PAXIP1: variants seen among roughly 807,000 people sequenced by gnomAD.
PAXIP1 encodes the protein PAX interacting protein 1.
Under a neutral mutation model 140.6 loss-of-function variants are expected in PAXIP1, and 19 were observed. That is an observed-to-expected ratio of 0.14 (90% CI 0.09 to 0.20). The LOEUF (loss-of-function observed/expected upper bound fraction) is 0.20, where lower values mean the gene tolerates loss of function less well. Among genes scored for constraint, PAXIP1 ranks in the 10% least tolerant of loss-of-function variants. The pLI is 1.00. For missense variants in PAXIP1, 920 were observed against 1,208.6 expected (o/e 0.76, Z 3.54); for synonymous variants, 442 against 444.6 (o/e 0.99, Z 0.07).
At chr7:154,993,264 C>A (rs1267402194) in intron 3 of PAXIP1, among the ~76,000 whole-genome samples, 1 of 152,180 alleles carries the variant, frequency 6.6e-6, no homozygotes, top group Non-Finnish European at 1.5e-5. Flanking sequence ...CTTCACCCCT[C>A]TATTTTCAGT....
intron 4 of PAXIP1, among the ~76,000 whole-genome samples, chr7:154,988,635 C>T (rs1340955053): frequency 3.3e-5 from 5 of 152,146 alleles, no homozygotes; most frequent in Admixed American, 6.5e-5. Flanking sequence ...CAAATCAAGT[C>T]TTCAAAATCC....
At chr7:154,966,867 C>G (rs938296960) in intron 8 of PAXIP1, among the ~76,000 whole-genome samples, 6 of 152,216 alleles carry the variant, frequency 3.9e-5, no homozygotes, top group African/African-American at 1.4e-4. Flanking sequence ...CCTGCCCCAA[C>G]CCCTGCCTCG....
At chr7:154,971,735 A>C (rs1809339497) in intron 6 of PAXIP1, among the ~76,000 whole-genome samples, 1 of 152,208 alleles carries the variant, frequency 6.6e-6, no homozygotes, top group Admixed American at 6.5e-5. Context: ...CATATATAGA[A>C]AGCAGTATGA....
chr7:154,979,306 T>G (rs3844197), intron 5 of PAXIP1, among the ~76,000 whole-genome samples: 36,549 of 152,190 alleles, frequency 0.24, 5,184 homozygotes, highest in Middle Eastern at 0.38. Flanking sequence ...ACTTTTAAAC[T>G]TCAAGAGTAT....
chr7:154,983,513 C>G (rs1269651290), intron 4 of PAXIP1, 181 bp from the exon 5 acceptor site: 3 of 509,154 alleles, frequency 5.9e-6, no homozygotes, highest in Non-Finnish European at 1.0e-5. Context: ...AAACTTCACT[C>G]CTATCATAAT....
At chr7:154,981,449 A>C (rs999208199) in intron 5 of PAXIP1, among the ~76,000 whole-genome samples, 2 of 152,212 alleles carry the variant, frequency 1.3e-5, no homozygotes, top group Non-Finnish European at 2.9e-5. Context: ...AAAGCAAAAA[A>C]AGAGTTATCT....
intron 20 of PAXIP1, chr7:154,944,526 T>C: frequency 5.8e-6 from 1 of 172,170 alleles, no homozygotes; most frequent in Non-Finnish European, 1.3e-5. Context: ...GACTCCTACT[T>C]ATACCTGCAG....
At position 154,946,264 on chromosome 7, in the gene PAXIP1, A is replaced by G; in HGVS notation, c.3194+101T>C. ...CATAAATCACAATAGCAAAGAAAGG[A>G]AAAATGGCTTGCAAAACAGGAAAGG... is the stretch of plus-strand genomic sequence containing the variant. On this transcript the variant is annotated intron_variant, in intron 20 of 20. Coordinates refer to ENST00000404141, the MANE Select transcript of PAXIP1 (RefSeq NM_007349.4). This position sits in a 1 kb window ranked among gnomAD's most constrained non-coding sequence, Gnocchi z 4.9. 1 of 1,575,550 alleles carries G rather than the reference A, an allele frequency of 6.3e-7. No homozygotes were observed. The highest frequency in any genetic ancestry group is 8.6e-7 in the Non-Finnish European group (1 of 1,160,416).
chr7:154,955,460 G>A, intron 15 of PAXIP1, 69 bp downstream of exon 15: 1 of 861,772 alleles, frequency 1.2e-6, no homozygotes, highest in Admixed American at 2.0e-5. Context: ...TAAAACTGCT[G>A]ATCTGAAGTA....
At position 154,955,620 on chromosome 7, in the gene PAXIP1, A is replaced by T; in HGVS notation, c.2561T>A (p.Val854Glu). The change falls in exon 15 of 21, where the codon GTA (valine) becomes GAA (glutamate). Residue 854 changes from valine (V) to glutamate (E), a missense_variant. Val to Glu is a moderately radical substitution (Grantham distance 121). Around this residue, in one of 5 missense-constraint regions of PAXIP1, gnomAD observed 303 missense variants for 517.9 expected, o/e 0.59. Coordinates refer to ENST00000404141, the MANE Select transcript of PAXIP1 (RefSeq NM_007349.4). ...AGTTAGCTTTTTAGTGGGAGGTGGT[A>T]CGTCTTCAATTCTGTGGAAGAAATA... The part of the protein sequence containing the change: ...PSSKRARIED[V>E]PPPTKKLTPE... 2.5e-6 allele frequency: 4 copies of T among 1,578,302 alleles called. No homozygotes were observed. Among genetic ancestry groups the T allele is most frequent in the Non-Finnish European group, 3.4e-6 (4 of 1,162,766 alleles).
In PAXIP1 at chr7:154,963,450, C is replaced by T. The variant is rs929366506; in HGVS notation, c.1989+221G>A. ...CGGCCTCCTGTCCGCCCTTTCTTAA[C>T]ACCACCTGGGAACATCCCTTTCTTT... On this transcript the variant is annotated intron_variant, in intron 9 of 20. Coordinates refer to ENST00000404141, the MANE Select transcript of PAXIP1 (RefSeq NM_007349.4). This position sits in a 1 kb window ranked among gnomAD's most constrained non-coding sequence, Gnocchi z 4.1. Among the ~76,000 whole-genome samples, 1 of 152,176 alleles carries T rather than the reference C, an allele frequency of 6.6e-6. No individual in the cohort carries two copies. Among genetic ancestry groups the T allele is most frequent in the African/African-American group, 2.4e-5 (1 of 41,450 alleles).
At position 154,968,882 on chromosome 7, in the gene PAXIP1, TA is replaced by T; in HGVS notation, c.1318del (p.Tyr440ThrfsTer118). On this transcript the variant is annotated frameshift_variant, in exon 7 of 21. Transcript: ENST00000404141. LOFTEE classifies it high-confidence loss of function. ...AAATGGATGCGGCGGCTGCTGGGGG[TA>T]AGGTTGCTGAGAGATCTGCTGCTGC... ...QQQQQISQQP[Y>X]PQQPPHPFSQ... The T allele has an allele frequency of 1.0e-6, 1 of 1,002,604 alleles. No individual in the cohort carries two copies. The highest frequency in any genetic ancestry group is 1.5e-6 in the Non-Finnish European group (1 of 647,894). The allele number at this position is 1,002,604 out of a possible 1,614,324, so 62.1% of individuals were successfully genotyped here.
chr7:154,946,919 T>G lies in PAXIP1; in HGVS notation c.2923-106A>C. 1.3e-6 allele frequency: 1 copy of G among 799,104 alleles called. No individual in the cohort carries two copies. The highest frequency in any genetic ancestry group is 2.0e-6 in the Non-Finnish European group (1 of 511,556). The allele number at this position is 799,104 out of a possible 1,614,324, so 49.5% of individuals were successfully genotyped here. ...CTGAGATTTTTGACAAAATTTCAAA[T>G]TTTATGACATTATGAAGGTACTATT... On this transcript the variant is annotated intron_variant, in intron 17 of 20. Coordinates refer to ENST00000404141, the MANE Select transcript of PAXIP1 (RefSeq NM_007349.4). This position sits in a 1 kb window ranked among gnomAD's most constrained non-coding sequence, Gnocchi z 4.9.
chr7:154,952,658 G>A (rs1200032220), intron 16 of PAXIP1, among the ~76,000 whole-genome samples: 1 of 152,146 alleles, frequency 6.6e-6, no homozygotes, highest in Non-Finnish European at 1.5e-5. Flanking sequence ...ATAAAACAAG[G>A]TTATATATGA....
chr7:154,949,405 C>A (rs891797598), intron 16 of PAXIP1: 1 of 151,846 alleles, frequency 6.6e-6, no homozygotes, highest in Non-Finnish European at 1.5e-5. Flanking sequence ...CCTGAGTCAA[C>A]CAGCAGATAG....
At chr7:154,949,498 A>T (rs1808168409) in intron 16 of PAXIP1, 1 of 152,228 alleles carries the variant, frequency 6.6e-6, no homozygotes, top group African/African-American at 2.4e-5. Flanking sequence ...AAAGGAACAA[A>T]AAAAGTACTG....
chr7:154,962,682 A>G (rs1808806815), intron 9 of PAXIP1: 1 of 395,250 alleles, frequency 2.5e-6, no homozygotes, highest in Non-Finnish European at 4.6e-6. Flanking sequence ...GAGTCTACAA[A>G]AGCAACAAAT....
chr7:154,995,936 ATAATTT>A (rs1270534148), intron 2 of PAXIP1, among the ~76,000 whole-genome samples: 1 of 152,258 alleles, frequency 6.6e-6, no homozygotes, highest in Non-Finnish European at 1.5e-5. Context: ...AATTTAAAAA[ATAATTT>A]TAAAAGTTTT....
At chr7:154,987,561 C>T (rs959238447) in intron 4 of PAXIP1, among the ~76,000 whole-genome samples, 6 of 152,208 alleles carry the variant, frequency 3.9e-5, no homozygotes, top group Admixed American at 2.0e-4. Context: ...CTTCATGCCA[C>T]AGCAGCTCCA....
Sources: allele counts gnomAD v4.1 joint callset (sites outside exome capture counted in the v4.1 genomes callset), GRCh38; gene constraint gnomAD v4.1.1; regional missense constraint gnomAD v4.1.1; non-coding constraint Gnocchi (gnomAD v3.1); transcripts MANE v1.5; gene names NCBI Gene and HGNC (gene_info 2026-07-23, HGNC 2026-07-21).